Variants in MCF2L observed in about 807,000 individuals in gnomAD.
The protein encoded by MCF2L is MCF.2 cell line derived transforming sequence like.
Under a neutral mutation model 153.4 loss-of-function variants are expected in MCF2L, and 97 were observed. The observed-to-expected ratio is 0.63, with a 90% CI of 0.54 to 0.75. The LOEUF is 0.75. Among genes scored for constraint, MCF2L ranks in the 30% least tolerant of loss-of-function variants. The pLI is 0.00. For synonymous variants in MCF2L, 659 were observed against 632.2 expected (o/e 1.04, Z -0.64); for missense variants, 1,347 against 1,495.2 (o/e 0.90, Z 1.64).
intron 26 of MCF2L, among the ~76,000 whole-genome samples, chr13:113,091,698 G>A (rs1030081193): frequency 7.3e-5 from 11 of 150,444 alleles, no homozygotes; most frequent in South Asian, 2.1e-4. Flanking sequence ...CCGGGCCGAC[G>A]AGGCTGAGCT....
chr13:112,895,338 C>T (rs911664934), intron 1 of MCF2L, among the ~76,000 whole-genome samples: 2 of 152,168 alleles, frequency 1.3e-5, no homozygotes, highest in East Asian at 1.9e-4. Context: ...CAGGATGTGC[C>T]GGCATGGCTG....
rs2085423328 is a variant in MCF2L at position 113,028,071 on chromosome 13, G to C, written c.278+3313G>C. On this transcript the variant is annotated intron_variant, in intron 3 of 29. Coordinates refer to ENST00000535094, the MANE Select transcript of MCF2L (RefSeq NM_001112732.3). This position sits in a 1 kb window ranked among gnomAD's most constrained non-coding sequence, Gnocchi z 5.4. ...GTCCACACTGAATGCTGACTGGTCA[G>C]ACTCATGCTCAGAAATCAGGGCTGT... is the stretch of plus-strand genomic sequence containing the variant. 6.6e-6 allele frequency among the ~76,000 whole-genome samples: 1 copy of C among 152,252 alleles called. No individual in the cohort carries two copies. Among genetic ancestry groups the C allele is most frequent in the African/African-American group, 2.4e-5 (1 of 41,472 alleles).
At chr13:113,005,985 G>A (rs1028932613) in intron 1 of MCF2L, among the ~76,000 whole-genome samples, 2 of 152,214 alleles carry the variant, frequency 1.3e-5, no homozygotes, top group Non-Finnish European at 2.9e-5. Flanking sequence ...GCTGCTTAGC[G>A]AAAATCATCG....
At chr13:113,025,575 A>C (rs1253603760) in intron 3 of MCF2L, among the ~76,000 whole-genome samples, 6 of 62,430 alleles carry the variant, frequency 9.6e-5, no homozygotes, top group Non-Finnish European at 1.2e-4. Flanking sequence ...GGGAGGTTTC[A>C]TCATGGTGGG....
intron 5 of MCF2L, among the ~76,000 whole-genome samples, chr13:113,061,774 CTCCCCTCCCTCT>C (rs2031503815): frequency 2.5e-5 from 2 of 79,962 alleles, no homozygotes; most frequent in African/African-American, 5.3e-5. Flanking sequence ...CCCCCTTCCC[CTCCCCTCCCTCT>C]CCCCCTTCCC....
intron 1 of MCF2L, among the ~76,000 whole-genome samples, chr13:112,986,861 C>T (rs1460986218): frequency 3.9e-5 from 6 of 152,258 alleles, no homozygotes; most frequent in Non-Finnish European, 7.3e-5. Flanking sequence ...CTGCCAGGGC[C>T]GTCTAGGGTT....
intron 20 of MCF2L, among the ~76,000 whole-genome samples, chr13:113,085,612 A>G (rs1208244356): frequency 1.5e-4 from 23 of 149,632 alleles, no homozygotes; most frequent in African/African-American, 5.7e-4. Flanking sequence ...GCGAGAGGAA[A>G]CTCCCCAGGG....
At chr13:112,911,945 C>T (rs1229875908) in intron 2 of MCF2L, among the ~76,000 whole-genome samples, 1 of 152,136 alleles carries the variant, frequency 6.6e-6, no homozygotes, top group Non-Finnish European at 1.5e-5. Context: ...GGCCAATCCG[C>T]CAAGAATAGG....
At chr13:113,092,792 C>G (rs1385483668) in intron 26 of MCF2L, among the ~76,000 whole-genome samples, 1 of 152,268 alleles carries the variant, frequency 6.6e-6, no homozygotes, top group African/African-American at 2.4e-5. Flanking sequence ...TGGCCTCCCC[C>G]GCGCCCTGTT....
At chr13:113,007,370 C>T (rs940691325) in intron 1 of MCF2L, among the ~76,000 whole-genome samples, 17 of 152,202 alleles carry the variant, frequency 1.1e-4, no homozygotes, top group Non-Finnish European at 2.2e-4. Flanking sequence ...TTGAGAACAG[C>T]GGGGGTCTAA....
rs2081676263 is a variant in MCF2L, at chr13:112,950,015, A to AG, written c.169+47644_169+47645insG. On this transcript the variant is annotated intron_variant, in intron 2 of 29. Coordinates refer to the MCF2L transcript ENST00000375608. ...ATCCCAAGGATTCTACAAAAAAAAA[A>AG]AAACTCCTAAAGCTAGCAAGTTCAA... 2.6e-5 allele frequency among the ~76,000 whole-genome samples: 4 copies of AG among 152,092 alleles called. No individual in the cohort carries two copies. In the South Asian group the frequency reaches 8.3e-4, roughly 31 times the overall value.
At chr13:113,081,344 C>A in intron 16 of MCF2L, 65 bp downstream of exon 16, 3 of 1,446,770 alleles carry the variant, frequency 2.1e-6, no homozygotes, top group South Asian at 2.5e-5. Context: ...GGTGGGGCTT[C>A]CTCTGACAAC....
upstream of MCF2L, chr13:112,968,485 C>T: frequency 1.9e-6 from 3 of 1,587,864 alleles, no homozygotes; most frequent in African/African-American, 2.7e-5. Flanking sequence ...TGGAGAGCCC[C>T]GTGCCTGCAG....
chr13:113,072,684 G>A (rs1257557744), intron 9 of MCF2L, among the ~76,000 whole-genome samples: 2 of 152,160 alleles, frequency 1.3e-5, no homozygotes, highest in East Asian at 1.9e-4. Context: ...TGCAGGGTCT[G>A]TAGTGATATT....
chr13:112,954,935 A>T (rs1395510899), intron 2 of MCF2L, among the ~76,000 whole-genome samples: 3 of 152,174 alleles, frequency 2.0e-5, no homozygotes, highest in African/African-American at 7.2e-5. Flanking sequence ...GTTGGTCACG[A>T]TGGCTGTGGC....
At chr13:112,899,645 G>A (rs1362040687) in intron 1 of MCF2L, among the ~76,000 whole-genome samples, 2 of 152,114 alleles carry the variant, frequency 1.3e-5, no homozygotes, top group Non-Finnish European at 2.9e-5. Context: ...TTAAGCAGGG[G>A]CCACACCTGC....
intron 1 of MCF2L, 24 bp from the exon 2 acceptor site, chr13:113,014,739 G>C: frequency 6.2e-7 from 1 of 1,606,580 alleles, no homozygotes; most frequent in Non-Finnish European, 8.5e-7. Context: ...GGACTGACAC[G>C]TGCCGTCTGC....
rs2081576219 is a variant in MCF2L, at chr13:112,941,617, T to G, written c.169+39246T>G. ...TTGCAAAACCTCTGGATAAAGTTCC[T>G]AAAACCATGGTCCACTGTGGGCGGC... is the stretch of plus-strand genomic sequence containing the variant. On this transcript the variant is annotated intron_variant, in intron 2 of 29. Coordinates refer to the MCF2L transcript ENST00000375608. This position sits in a 1 kb window ranked among gnomAD's most constrained non-coding sequence, Gnocchi z 4.9. 6.6e-6 allele frequency among the ~76,000 whole-genome samples: 1 copy of G among 151,922 alleles called. No homozygotes were observed. Among genetic ancestry groups the G allele is most frequent in the Non-Finnish European group, 1.5e-5 (1 of 67,992 alleles).
At chr13:112,917,296 A>G (rs1343196481) in intron 2 of MCF2L, 2 of 410,366 alleles carry the variant, frequency 4.9e-6, no homozygotes, top group South Asian at 1.8e-5. Context: ...ACCATAGTTC[A>G]CTGCACCTCT....
Sources: gnomAD v4.1 joint callset for allele counts (sites outside exome capture counted in the v4.1 genomes callset) on GRCh38, gnomAD v4.1.1 for gene constraint, Gnocchi (gnomAD v3.1) non-coding constraint, MANE v1.5 for transcripts, NCBI Gene and HGNC (gene_info 2026-07-23, HGNC 2026-07-21) for gene names.